The following TDRD3 variants were observed in gnomAD, a reference collection of about 807,000 sequenced individuals.
The protein encoded by TDRD3 is tudor domain containing 3, also known as tudor domain-containing protein 3.
Under a neutral mutation model 86.7 loss-of-function variants are expected in TDRD3, and 45 were observed. The observed-to-expected ratio is 0.52, with a 90% confidence interval of 0.41 to 0.67. TDRD3 has a LOEUF of 0.67. TDRD3 is among the 30% of genes least tolerant of loss of function. The probability of loss-of-function intolerance (pLI) is 0.00; values close to 1 mark genes in which losing one functional copy is unlikely to be tolerated. For missense variants in TDRD3, 814 were observed against 889.0 expected (o/e 0.92, Z 1.07); for synonymous variants, 298 against 301.7 (o/e 0.99, Z 0.13).
intron 7 of TDRD3, among the ~76,000 whole-genome samples, chr13:60,487,891 G>A (rs1014571929): frequency 1.3e-5 from 2 of 152,146 alleles, no homozygotes; most frequent in African/African-American, 4.8e-5. Context: ...CCCACCAACA[G>A]TACATAAGAG....
chr13:60,491,699 C>A (rs1256070157), intron 7 of TDRD3, among the ~76,000 whole-genome samples: 1 of 152,020 alleles, frequency 6.6e-6, no homozygotes, highest in Non-Finnish European at 1.5e-5. Context: ...GTATGATAAA[C>A]CATATGGGGT....
intron 3 of TDRD3, among the ~76,000 whole-genome samples, chr13:60,445,163 T>C (rs1053112633): frequency 6.6e-6 from 1 of 152,320 alleles, no homozygotes; most frequent in African/African-American, 2.4e-5. Flanking sequence ...TAGGAGCAAG[T>C]TGGTGAAGCT....
intron 3 of TDRD3, among the ~76,000 whole-genome samples, chr13:60,445,980 G>T (rs988875842): frequency 5.3e-5 from 8 of 151,984 alleles, no homozygotes; most frequent in African/African-American, 1.9e-4. Flanking sequence ...TTGCACAGTG[G>T]TCTCTTTAAG....
chr13:60,423,644 T>C (rs2137881535), intron 1 of TDRD3, among the ~76,000 whole-genome samples: 1 of 152,276 alleles, frequency 6.6e-6, no homozygotes, highest in South Asian at 2.1e-4. Flanking sequence ...ACAAGCCCTT[T>C]CACCTAGAAA....
chr13:60,570,212 G>GA (rs1206059582), intron 13 of TDRD3, among the ~76,000 whole-genome samples: 1 of 151,516 alleles, frequency 6.6e-6, no homozygotes, highest in African/African-American at 2.4e-5. Context: ...AACAACTCAA[G>GA]AAAAAAAATA....
intron 12 of TDRD3, among the ~76,000 whole-genome samples, chr13:60,538,974 T>A (rs201174692): frequency 6.6e-6 from 1 of 152,198 alleles, no homozygotes; most frequent in East Asian, 1.9e-4. Context: ...TAAAAGTTCA[T>A]AGTATCTGCT....
intron 1 of TDRD3, among the ~76,000 whole-genome samples, chr13:60,399,422 C>G (rs1020461460): frequency 2.0e-5 from 3 of 152,248 alleles, no homozygotes; most frequent in African/African-American, 7.2e-5. Flanking sequence ...AAAACACTAT[C>G]TTTCTAGGAA....
chr13:60,416,648 G>A lies in TDRD3; in HGVS notation c.41+19243G>A, dbSNP rs1566175288. Among the ~76,000 whole-genome samples the A allele has an allele frequency of 2.6e-5, 4 of 152,144 alleles. No individual in the cohort carries two copies. In the South Asian group the frequency reaches 8.3e-4, roughly 32 times the overall value. ...TAGCTACTGTTTCTTTGGGCTGTCT[G>A]CTACAGTCTGGCTTGTGCTTCTTCC... On this transcript the variant is annotated intron_variant, in intron 1 of 13. Coordinates refer to ENST00000377881, the MANE Select transcript of TDRD3 (RefSeq NM_001146070.2).
Position 60,535,236 on chromosome 13 carries a change from A to T in TDRD3, c.2118+3A>T. 6.2e-7 allele frequency: 1 copy of T among 1,612,708 alleles called. No homozygotes were observed. The highest frequency in any genetic ancestry group is 8.5e-7 in the Non-Finnish European group (1 of 1,179,352). On this transcript the variant is annotated splice_donor_region_variant and intron_variant, in intron 12 of 13. Coordinates refer to ENST00000377881, the MANE Select transcript of TDRD3 (RefSeq NM_001146070.2). Reference sequence around the variant, plus strand: ...AGCCCATTCAAACAGAGGCATGGGTACGTGATACATATTCTGTACAAAGGC... The same window carrying T: ...AGCCCATTCAAACAGAGGCATGGGTTCGTGATACATATTCTGTACAAAGGC...
At chr13:60,396,011 C>G (rs1594879389), upstream of TDRD3, among the ~76,000 whole-genome samples, 1 of 152,148 alleles carries the variant, frequency 6.6e-6, no homozygotes. Context: ...AATACCCCAG[C>G]TGAAATGAGA....
At position 60,484,118 on chromosome 13, in the gene TDRD3, G is replaced by GT. The variant is rs142692737; in HGVS notation, c.567+281dup. 4.2e-3 allele frequency among the ~76,000 whole-genome samples: 636 copies of GT among 150,812 alleles called. 2 individuals are homozygous for GT. The highest frequency in any genetic ancestry group is 6.0e-3 in the Admixed American group (91 of 15,130). On this transcript the variant is annotated intron_variant, in intron 6 of 13. Transcript: ENST00000377881. Reference sequence around the variant, plus strand: ...ACTAATTAAAATAGGATGGGAGAGGGTTTTTTTTTGAGGGAAATTCAAAAG... The same window carrying GT: ...ACTAATTAAAATAGGATGGGAGAGGGTTTTTTTTTTGAGGGAAATTCAAAAG...
chr13:60,569,952 T>G (rs527666650), intron 13 of TDRD3, among the ~76,000 whole-genome samples: 5 of 152,308 alleles, frequency 3.3e-5, no homozygotes, highest in Admixed American at 1.3e-4. Context: ...GACTTGAAAC[T>G]ATGACACTCG....
chr13:60,396,143 T>C (rs779982733), upstream of TDRD3, among the ~76,000 whole-genome samples: 8 of 152,176 alleles, frequency 5.3e-5, no homozygotes, highest in Non-Finnish European at 1.2e-4. Flanking sequence ...CTGCTCCAAG[T>C]CTGTTTTTGA....
intron 12 of TDRD3, among the ~76,000 whole-genome samples, chr13:60,557,021 G>A (rs1958203261): frequency 1.3e-5 from 2 of 151,776 alleles, no homozygotes; most frequent in South Asian, 2.1e-4. Flanking sequence ...CCTGACCAAC[G>A]TGGAGAAACC....
At chr13:60,511,544 C>T (rs1419226698) in intron 10 of TDRD3, among the ~76,000 whole-genome samples, 1 of 152,208 alleles carries the variant, frequency 6.6e-6, no homozygotes, top group African/African-American at 2.4e-5. Context: ...CAAATTACCA[C>T]AAAGTCAGTG....
At chr13:60,430,541 G>T (rs1365227472) in intron 1 of TDRD3, among the ~76,000 whole-genome samples, 2 of 152,050 alleles carry the variant, frequency 1.3e-5, no homozygotes, top group Non-Finnish European at 2.9e-5. Context: ...TTAGAGGAAG[G>T]CTGTAAATTA....
chr13:60,486,494 G>A (rs1956439554), intron 7 of TDRD3, among the ~76,000 whole-genome samples: 1 of 151,808 alleles, frequency 6.6e-6, no homozygotes, highest in Non-Finnish European at 1.5e-5. Context: ...CTTTTTAACT[G>A]ACAAATAATT....
At chr13:60,398,872 A>G (rs920786294) in intron 1 of TDRD3, among the ~76,000 whole-genome samples, 4 of 151,080 alleles carry the variant, frequency 2.6e-5, no homozygotes, top group African/African-American at 7.4e-5. Flanking sequence ...CAGTTTTTTT[A>G]CCCACAAGGG....
At chr13:60,412,533 G>C (rs1410182080) in intron 1 of TDRD3, among the ~76,000 whole-genome samples, 2 of 152,010 alleles carry the variant, frequency 1.3e-5, no homozygotes, top group Admixed American at 1.3e-4. Context: ...AAGCCTTGTT[G>C]GTTTAATCAT....
Sources: gnomAD v4.1 joint callset for allele counts (sites outside exome capture counted in the v4.1 genomes callset) on GRCh38, gnomAD v4.1.1 for gene constraint, MANE v1.5 for transcripts, NCBI Gene and HGNC (gene_info 2026-07-23, HGNC 2026-07-21) for gene names.